Variants in SRGAP2C observed in about 807,000 individuals in gnomAD.
The protein encoded by SRGAP2C is SLIT-ROBO Rho GTPase activating protein 2C.
Under a neutral mutation model 25.1 loss-of-function variants are expected in SRGAP2C, and 15 were observed. The ratio of observed to expected loss-of-function variants is 0.60; its 90% CI spans 0.40 to 0.92. SRGAP2C has a LOEUF of 0.92. Among genes scored for constraint, SRGAP2C ranks in the 40% least tolerant of loss-of-function variants. The pLI, the probability that SRGAP2C is intolerant of heterozygous loss-of-function variation, is 0.00. For missense variants in SRGAP2C, 144 were observed against 264.4 expected, an observed-to-expected ratio of 0.54 and a Z score of 3.16; for synonymous variants, 44 against 96.6, an observed-to-expected ratio of 0.46 and a Z score of 3.19.
chr1:121,235,252 A>G (rs1325934302), intron 2 of SRGAP2C, among the ~76,000 whole-genome samples: 1 of 6,280 alleles, frequency 1.6e-4, no homozygotes, highest in African/African-American at 5.6e-4. Context: ...GATGGTATCG[A>G]TCCTTTTTTT....
At chr1:121,310,517 G>A (rs1657958088) in intron 3 of SRGAP2C, among the ~76,000 whole-genome samples, 1 of 43,352 alleles carries the variant, frequency 2.3e-5, no homozygotes, top group South Asian at 7.3e-4. Context: ...TGTCCTGAAT[G>A]GTAATGCCTA....
intron 4 of SRGAP2C, chr1:121,362,930 G>A (rs376629613): frequency 2.3e-4 from 31 of 133,804 alleles, no homozygotes; most frequent in South Asian, 1.4e-3. Flanking sequence ...CCCTGAACCC[G>A]TCCATTTTGT....
intron 4 of SRGAP2C, among the ~76,000 whole-genome samples, chr1:121,351,541 C>A (rs1467546217): frequency 7.1e-6 from 1 of 141,042 alleles, no homozygotes; most frequent in African/African-American, 2.7e-5. Flanking sequence ...ACCCAGGAGG[C>A]GGAGCTTGCA....
At chr1:121,362,507 TC>T (rs1476204460) in intron 4 of SRGAP2C, among the ~76,000 whole-genome samples, 1 of 150,628 alleles carries the variant, frequency 6.6e-6, no homozygotes, top group Non-Finnish European at 1.5e-5. Flanking sequence ...CTCCTCTTCT[TC>T]CCCCATCCCC....
chr1:121,309,636 A>C, intron 3 of SRGAP2C, among the ~76,000 whole-genome samples: 1 of 145,318 alleles, frequency 6.9e-6, no homozygotes, highest in South Asian at 2.3e-4. Flanking sequence ...ATGTGATCTC[A>C]TTGTTCAATT....
intron 4 of SRGAP2C, among the ~76,000 whole-genome samples, chr1:121,359,948 G>T (rs1298673655): frequency 1.3e-5 from 2 of 152,198 alleles, no homozygotes; most frequent in Non-Finnish European, 2.9e-5. Flanking sequence ...CTGTAAAAAT[G>T]CACCAATCAG....
chr1:121,276,318 TTCA>T, intron 2 of SRGAP2C, among the ~76,000 whole-genome samples: 1 of 148,650 alleles, frequency 6.7e-6, no homozygotes, highest in Admixed American at 6.8e-5. Flanking sequence ...ATTTATTACA[TTCA>T]TCATGACACA....
rs587736231 is a variant in SRGAP2C at position 121,190,996 on chromosome 1, C to T, written c.67+3483C>T. On this transcript the variant is annotated intron_variant, in intron 2 of 9. Coordinates refer to ENST00000367123, the MANE Select transcript of SRGAP2C (RefSeq NM_001329984.2). ...GAGTGGTTTTATGAGGGGTGTGCCTCCTTAGTCAACCTGCCTTGTAGTTTC... is the reference window on the plus strand; with the variant it reads ...GAGTGGTTTTATGAGGGGTGTGCCTTCTTAGTCAACCTGCCTTGTAGTTTC... Among the ~76,000 whole-genome samples the T allele has an allele frequency of 2.2e-3, 337 of 150,986 alleles. 2 individuals carry two copies. The highest frequency in any genetic ancestry group is 8.0e-3 in the African/African-American group (328 of 40,924).
At position 121,270,007 on chromosome 1, in the gene SRGAP2C, A is replaced by T. The variant is rs587603427; in HGVS notation, c.68-14796A>T. Among the ~76,000 whole-genome samples, 28 of 149,494 alleles carry T rather than the reference A, an allele frequency of 1.9e-4. 1 individual carries two copies. Among genetic ancestry groups the T allele is most frequent in the Admixed American group, 6.7e-4 (10 of 14,900 alleles). On this transcript the variant is annotated intron_variant, in intron 2 of 9. Coordinates refer to ENST00000367123, the MANE Select transcript of SRGAP2C (RefSeq NM_001329984.2). ...TTCTAACATTTACATTCCAACTTGC[A>T]TGCTCCCATTTTTTGGTCTTGGTGC... is the stretch of plus-strand genomic sequence containing the variant.
chr1:121,186,390 ACC>A (rs55678975), intron 1 of SRGAP2C, among the ~76,000 whole-genome samples: 1 of 47,944 alleles, frequency 2.1e-5, no homozygotes, highest in African/African-American at 6.8e-5. Flanking sequence ...TGCCCCCCCC[ACC>A]CCATCAACAT....
At chr1:121,366,875 G>A (rs1283841833) in intron 5 of SRGAP2C, among the ~76,000 whole-genome samples, 13 of 147,048 alleles carry the variant, frequency 8.8e-5, no homozygotes, top group Non-Finnish European at 1.6e-4. Flanking sequence ...AGCAGAAGAA[G>A]ACTACTGTCT....
chr1:121,350,711 C>A (rs1553345505), intron 4 of SRGAP2C, among the ~76,000 whole-genome samples: 1 of 151,944 alleles, frequency 6.6e-6, no homozygotes, highest in Non-Finnish European at 1.5e-5. Flanking sequence ...CATATGACAC[C>A]AAAGCACAAG....
rs1432349353 is a variant in SRGAP2C at position 121,239,275 on chromosome 1, ATATATAC to A, written c.68-45521_68-45515del. Reference sequence around the variant, plus strand: ...ATATATATATATATATACTATATATATATATACTATATATATATATATATACATGCAA... The same window carrying A: ...ATATATATATATATATACTATATATATATATATATATATATATACATGCAA... On this transcript the variant is annotated intron_variant, in intron 2 of 9. Transcript: ENST00000367123. Among the ~76,000 whole-genome samples, 106 of 3,326 alleles carry A rather than the reference ATATATAC, an allele frequency of 0.032. 44 individuals are homozygous for A. In the African/African-American group the frequency reaches 0.41, roughly 13 times the overall value. The allele number at this position is 3,326 out of a possible 152,430, so 2.2% of individuals were successfully genotyped here. A position where few individuals can be genotyped will look rare whatever the true frequency, so the allele number is the denominator to read the frequency against.
intron 2 of SRGAP2C, among the ~76,000 whole-genome samples, chr1:121,266,385 G>A (rs1656781160): frequency 6.6e-6 from 1 of 151,146 alleles, no homozygotes; most frequent in African/African-American, 2.4e-5. Flanking sequence ...TGGCCTAAGT[G>A]GTGGTTGCAA....
At chr1:121,375,161 C>T (rs1302257276) in intron 7 of SRGAP2C, among the ~76,000 whole-genome samples, 8 of 149,996 alleles carry the variant, frequency 5.3e-5, no homozygotes, top group African/African-American at 1.2e-4. Flanking sequence ...GGGAGGAAGG[C>T]ATTATTATCT....
intron 5 of SRGAP2C, among the ~76,000 whole-genome samples, chr1:121,371,137 T>C (rs1659477192): frequency 6.8e-6 from 1 of 146,918 alleles, no homozygotes; most frequent in Non-Finnish European, 1.5e-5. Flanking sequence ...TATATATAGA[T>C]AGAAGTATGT....
At chr1:121,221,710 C>CAAAAAA (rs782207301) in intron 2 of SRGAP2C, among the ~76,000 whole-genome samples, 2 of 21,620 alleles carry the variant, frequency 9.3e-5, no homozygotes, top group East Asian at 2.1e-3. Flanking sequence ...GACAACGTCT[C>CAAAAAA]AAAAAAAAAA....
intron 2 of SRGAP2C, among the ~76,000 whole-genome samples, chr1:121,217,751 T>C (rs1431694873): frequency 1.3e-5 from 2 of 152,194 alleles, no homozygotes; most frequent in Non-Finnish European, 2.9e-5. Flanking sequence ...TCTGTTTCAG[T>C]GTGTGGAATC....
intron 2 of SRGAP2C, among the ~76,000 whole-genome samples, chr1:121,192,326 C>T (rs1654708578): frequency 6.6e-6 from 1 of 152,050 alleles, no homozygotes; most frequent in African/African-American, 2.4e-5. Context: ...CAAGCAGATG[C>T]TATCATTTTC....
Sources: allele counts gnomAD v4.1 joint callset (sites outside exome capture counted in the v4.1 genomes callset), GRCh38; gene constraint gnomAD v4.1.1; transcripts MANE v1.5; gene names NCBI Gene and HGNC (gene_info 2026-07-23, HGNC 2026-07-21).